MCMBP: variants seen among roughly 807,000 people sequenced by gnomAD.
MCMBP encodes minichromosome maintenance complex binding protein.
A neutral mutation model predicts 81.3 loss-of-function variants in MCMBP; 31 were observed. That is an observed-to-expected ratio of 0.38 (90% CI 0.29 to 0.51). The LOEUF is 0.51. Ranked by LOEUF, MCMBP falls within the 20% of genes least tolerant of loss-of-function variation. MCMBP has a pLI of 0.87. For missense variants in MCMBP, 645 were observed against 772.1 expected (o/e 0.84, Z 1.95); for synonymous variants, 267 against 275.9 (o/e 0.97, Z 0.32).
chr10:119,864,621 T>C (rs921150605), intron 1 of MCMBP, among the ~76,000 whole-genome samples: 3 of 152,148 alleles, frequency 2.0e-5, no homozygotes, highest in African/African-American at 7.2e-5. Flanking sequence ...ACTGATTTTT[T>C]CTTTTTTTTC....
chr10:119,867,329 C>G (rs1853504664), intron 1 of MCMBP, among the ~76,000 whole-genome samples: 1 of 136,490 alleles, frequency 7.3e-6, no homozygotes, highest in South Asian at 2.4e-4. Context: ...AAAGTGGTTA[C>G]TTCAATGGAG....
chr10:119,842,826 G>A, intron 9 of MCMBP: 3 of 416,578 alleles, frequency 7.2e-6, no homozygotes, highest in South Asian at 2.4e-5. Flanking sequence ...GTGCAATGGT[G>A]CCATCTCAGC....
intron 14 of MCMBP, among the ~76,000 whole-genome samples, chr10:119,833,837 A>G (rs539245214): frequency 5.3e-5 from 8 of 152,296 alleles, no homozygotes; most frequent in Admixed American, 2.0e-4. Flanking sequence ...AATAAAGGAA[A>G]CCACATAAAA....
chr10:119,844,581 G>T (rs34916084), intron 8 of MCMBP, among the ~76,000 whole-genome samples: 8,404 of 152,242 alleles, frequency 0.055, 425 homozygotes, highest in South Asian at 0.27. Flanking sequence ...CTCTGTGATG[G>T]TTAATACTTT....
At position 119,837,003 on chromosome 10, in the gene MCMBP, TG is replaced by T; in HGVS notation, c.1434del (p.Ser478ArgfsTer4). On this transcript the variant is annotated frameshift_variant, in exon 13 of 16. Coordinates refer to ENST00000369077, the MANE Select transcript of MCMBP (RefSeq NM_001256378.2). LOFTEE classifies it high-confidence loss of function. Reference sequence around the variant, plus strand: ...TCCACCTTCTGCCACGTTATGAGGTTGCTCAGGGCTGTCACATTATGAACAC... The same window carrying T: ...TCCACCTTCTGCCACGTTATGAGGTTCTCAGGGCTGTCACATTATGAACAC... ...TPGVHNVTALSNLITWQKVDY... is the reference protein window; with the variant it reads ...TPGVHNVTALXNLITWQKVDY... The T allele has an allele frequency of 1.9e-6, 3 of 1,613,606 alleles. No individual in the cohort carries two copies. The highest frequency in any genetic ancestry group is 2.5e-6 in the Non-Finnish European group (3 of 1,179,824).
Position 119,835,574 on chromosome 10 carries a change from A to C in MCMBP, c.1673T>G (p.Phe558Cys). 1 of 1,614,160 alleles carries C rather than the reference A, an allele frequency of 6.2e-7. No individual in the cohort carries two copies. The highest frequency in any genetic ancestry group is 8.5e-7 in the Non-Finnish European group (1 of 1,180,000). Residue 558 changes from phenylalanine (F) to cysteine (C), a missense_variant, in exon 14 of 16, where the codon TTC (phenylalanine) becomes TGC (cysteine). Transcript: ENST00000369077. ...KFRIYLTLLR[F>C]LEYSISDEIT... ...TTCATCAGATATGCTATATTCCAAG[A>C]ATCTCAAAAGAGTTAGATAAATGCG...
chr10:119,854,635 C>G (rs926702845), intron 5 of MCMBP, among the ~76,000 whole-genome samples: 1 of 151,482 alleles, frequency 6.6e-6, no homozygotes, highest in East Asian at 1.9e-4. Context: ...TGACAGAATT[C>G]GTCACCAACA....
At position 119,835,662 on chromosome 10, in the gene MCMBP, T is replaced by G; in HGVS notation, c.1585A>C (p.Asn529His). The part of the protein sequence containing the change: ...IHLQPQLIPP[N>H]MEEYMNSLLS... ...AGGCTGTTCATGTACTCCTCCATGTTTGGTGGAATTAGCTGGGGCTGTAAG... is the reference window on the plus strand; with the variant it reads ...AGGCTGTTCATGTACTCCTCCATGTGTGGTGGAATTAGCTGGGGCTGTAAG... The change falls in exon 14 of 16, where the codon AAC becomes CAC. Residue 529 changes from asparagine (N) to histidine (H), a missense_variant. By Grantham distance (68) the Asn-to-His change is moderately conservative. Transcript: ENST00000369077. The G allele has an allele frequency of 6.2e-7, 1 of 1,614,188 alleles. No individual in the cohort carries two copies.
intron 10 of MCMBP, among the ~76,000 whole-genome samples, chr10:119,841,431 A>T (rs1852428228): frequency 6.6e-6 from 1 of 152,262 alleles, no homozygotes; most frequent in Non-Finnish European, 1.5e-5. Context: ...TTTATAATAG[A>T]GAAAAGCTAG....
intron 1 of MCMBP, among the ~76,000 whole-genome samples, chr10:119,869,922 T>G (rs1853608300): frequency 6.6e-6 from 1 of 152,244 alleles, no homozygotes; most frequent in Admixed American, 6.5e-5. Context: ...ATGCTAGATC[T>G]GTGCTAATAT....
At position 119,852,221 on chromosome 10, in the gene MCMBP, T is replaced by C. The variant is rs892498782; in HGVS notation, c.574+829A>G. On this transcript the variant is annotated intron_variant, in intron 6 of 15. Coordinates refer to ENST00000369077, the MANE Select transcript of MCMBP (RefSeq NM_001256378.2). Reference sequence around the variant, plus strand: ...TCTTGCAGATAGTAAATGACCAGACTGATTTGTTTTGCCTCCTTGTCCTTT... The same window carrying C: ...TCTTGCAGATAGTAAATGACCAGACCGATTTGTTTTGCCTCCTTGTCCTTT... Among the ~76,000 whole-genome samples the C allele has an allele frequency of 5.4e-5, 8 of 149,076 alleles. No individual in the cohort carries two copies. In the East Asian group the frequency reaches 1.6e-3, roughly 30 times the overall value.
intron 1 of MCMBP, among the ~76,000 whole-genome samples, chr10:119,867,683 T>C (rs1323190957): frequency 1.3e-5 from 2 of 152,084 alleles, no homozygotes; most frequent in East Asian, 3.9e-4. Context: ...AAAGAGAAAG[T>C]GTGCAGAGAT....
chr10:119,836,884 G>T lies in MCMBP; in HGVS notation c.1542+12C>A. The T allele has an allele frequency of 1.3e-6, 2 of 1,534,652 alleles. No individual in the cohort carries two copies. Among genetic ancestry groups the T allele is most frequent in the South Asian group, 1.2e-5 (1 of 86,090 alleles). On this transcript the variant is annotated intron_variant, in intron 13 of 15. Coordinates refer to ENST00000369077, the MANE Select transcript of MCMBP (RefSeq NM_001256378.2). ...TGTCAACCTCCCTCCATTTAAAAAT[G>T]ACTCATCATACCGGGAGGAGTGACC...
At chr10:119,859,761 T>C (rs1379448688) in intron 2 of MCMBP, 38 bp downstream of exon 2, 1 of 1,416,674 alleles carries the variant, frequency 7.1e-7, no homozygotes, top group South Asian at 1.2e-5. Context: ...CTGTATAGTC[T>C]GTCCAACCCT....
intron 14 of MCMBP, among the ~76,000 whole-genome samples, chr10:119,834,705 CAAAG>C (rs1852173717): frequency 6.6e-6 from 1 of 151,122 alleles, no homozygotes; most frequent in Non-Finnish European, 1.5e-5. Flanking sequence ...ACCCAAAAAA[CAAAG>C]AATTAGCTGG....
At chr10:119,840,608 G>GT (rs1852399263) in intron 11 of MCMBP, among the ~76,000 whole-genome samples, 1 of 152,202 alleles carries the variant, frequency 6.6e-6, no homozygotes, top group African/African-American at 2.4e-5. Flanking sequence ...TTTTAAGGGA[G>GT]TTACTACAAT....
At chr10:119,838,444 T>TTG (rs1164850681) in intron 12 of MCMBP, 91 bp downstream of exon 12, 11 of 1,238,528 alleles carry the variant, frequency 8.9e-6, no homozygotes, top group Non-Finnish European at 1.1e-5. Flanking sequence ...AAATGTGAAT[T>TTG]TGTCCATAGA....
chr10:119,830,559 C>T lies in MCMBP; in HGVS notation c.*915G>A, dbSNP rs1477239288. The T allele has an allele frequency of 6.6e-6, 1 of 152,060 alleles. No homozygotes were observed. The highest frequency in any genetic ancestry group is 1.5e-5 in the Non-Finnish European group (1 of 67,996). The allele number at this position is 152,060 out of a possible 1,614,324, so 9.4% of individuals were successfully genotyped here. On this transcript the variant is annotated 3_prime_UTR_variant, in exon 16 of 16. Transcript: ENST00000369077. ...AAAGGGGGTATTGCTTTTTAAGTTT[C>T]CTATTTTGTTTTCATATTTGGGCAC... is the stretch of plus-strand genomic sequence containing the variant.
chr10:119,845,834 T>A (rs752830842), intron 8 of MCMBP, among the ~76,000 whole-genome samples: 24 of 152,222 alleles, frequency 1.6e-4, no homozygotes, highest in Non-Finnish European at 2.9e-4. Flanking sequence ...AACAACAGAT[T>A]GTGAATAATG....
Sources: allele counts gnomAD v4.1 joint callset (sites outside exome capture counted in the v4.1 genomes callset), GRCh38; gene constraint gnomAD v4.1.1; transcripts MANE v1.5; gene names NCBI Gene and HGNC (gene_info 2026-07-23, HGNC 2026-07-21).